Variants in PCCA observed in about 807,000 individuals in gnomAD.
The protein encoded by PCCA is propionyl-CoA carboxylase subunit alpha.
A neutral mutation model predicts 101.3 loss-of-function variants in PCCA; 74 were observed. The observed-to-expected ratio is 0.73, with a 90% CI of 0.61 to 0.89. The LOEUF (loss-of-function observed/expected upper bound fraction) is 0.89, where lower values mean the gene tolerates loss of function less well. Among genes scored for constraint, PCCA ranks in the 40% least tolerant of loss-of-function variants. The pLI is 0.00. For missense variants in PCCA, 891 were observed against 907.0 expected (o/e 0.98, Z 0.23); for synonymous variants, 294 against 313.6 (o/e 0.94, Z 0.66).
intron 11 of PCCA, among the ~76,000 whole-genome samples, chr13:100,271,067 A>G (rs1043100599): frequency 1.3e-4 from 20 of 151,990 alleles, no homozygotes; most frequent in African/African-American, 3.1e-4. Context: ...TTTGAGGGCA[A>G]TGCTAGCTAG....
At chr13:100,417,401 CT>C (rs2078447776) in intron 19 of PCCA, among the ~76,000 whole-genome samples, 2 of 152,174 alleles carry the variant, frequency 1.3e-5, no homozygotes, top group South Asian at 4.1e-4. Context: ...GGAGTTTACA[CT>C]TTTCAAAAAC....
At chr13:100,499,876 C>CT (rs148642584) in intron 21 of PCCA, among the ~76,000 whole-genome samples, 1 of 151,462 alleles carries the variant, frequency 6.6e-6, no homozygotes, top group African/African-American at 2.4e-5. Context: ...TTGCTTGAGA[C>CT]TTTTTTTGGA....
chr13:100,301,531 C>T lies in PCCA; in HGVS notation c.1137C>T (p.Gly379=), dbSNP rs781290790. 2 of 1,614,042 alleles carry T rather than the reference C, an allele frequency of 1.2e-6. No homozygotes were observed. Among genetic ancestry groups the T allele is most frequent in the Non-Finnish European group, 8.5e-7 (1 of 1,179,924 alleles). Residue 379 remains glycine, a synonymous_variant, in exon 13 of 24, where the codon GGC becomes GGT. Transcript: ENST00000376285. Reference sequence around the variant, plus strand: ...AGGAAATGATCCGTGTTGCTAAGGGCTACCCTCTCAGGCACAAACAAGCTG... The same window carrying T: ...AGGAAATGATCCGTGTTGCTAAGGGTTACCCTCTCAGGCACAAACAAGCTG... ...LVQEMIRVAK[G]YPLRHKQADI...
At chr13:100,156,472 G>A (rs1266258388) in intron 5 of PCCA, among the ~76,000 whole-genome samples, 1 of 152,208 alleles carries the variant, frequency 6.6e-6, no homozygotes, top group African/African-American at 2.4e-5. Context: ...TTTACTAGAA[G>A]TATGTTCAAC....
intron 19 of PCCA, among the ~76,000 whole-genome samples, chr13:100,421,713 C>T (rs564721286): frequency 6.6e-6 from 1 of 151,842 alleles, no homozygotes; most frequent in Non-Finnish European, 1.5e-5. Flanking sequence ...GAGATGGAGT[C>T]CCGCTCTGTC....
At chr13:100,360,582 A>G (rs989597441) in intron 18 of PCCA, among the ~76,000 whole-genome samples, 20 of 152,230 alleles carry the variant, frequency 1.3e-4, no homozygotes, top group Non-Finnish European at 2.5e-4. Flanking sequence ...GATTTTGTTA[A>G]TATTAAAAAC....
chr13:100,146,618 G>T (rs1295249618), intron 4 of PCCA, among the ~76,000 whole-genome samples: 2 of 151,564 alleles, frequency 1.3e-5, no homozygotes, highest in Non-Finnish European at 2.9e-5. Flanking sequence ...AATACAGGTA[G>T]CTTACAAACG....
rs1245184676 is a variant in PCCA at position 100,264,110 on chromosome 13, C to CGGTATCTGTATATCGTATATATAT, written c.819+1326_819+1349dup. Reference sequence around the variant, plus strand: ...ACGGTATCTGTATATCGTATATATACGGTATCTGTATATCGTATATATATG... The same window carrying CGGTATCTGTATATCGTATATATAT: ...ACGGTATCTGTATATCGTATATATACGGTATCTGTATATCGTATATATATGGTATCTGTATATCGTATATATATG... On this transcript the variant is annotated intron_variant, in intron 10 of 23. Coordinates refer to ENST00000376285, the MANE Select transcript of PCCA (RefSeq NM_000282.4). Among the ~76,000 whole-genome samples, 8 of 101,906 alleles carry CGGTATCTGTATATCGTATATATAT rather than the reference C, an allele frequency of 7.9e-5. 3 individuals are homozygous for CGGTATCTGTATATCGTATATATAT. The East Asian group carries it at 1.7e-3, about 22-fold the overall frequency. 66.9% of individuals were successfully genotyped at this position (101,906 alleles called of 152,430 possible).
At chr13:100,379,910 C>G (rs1171491908) in intron 19 of PCCA, among the ~76,000 whole-genome samples, 1 of 152,116 alleles carries the variant, frequency 6.6e-6, no homozygotes, top group Non-Finnish European at 1.5e-5. Flanking sequence ...CCAAATTAGT[C>G]TAAAGATGCA....
chr13:100,274,632 C>T (rs1227264230), intron 12 of PCCA, among the ~76,000 whole-genome samples: 1 of 152,132 alleles, frequency 6.6e-6, no homozygotes. Context: ...TTGGCTTTGG[C>T]AGCATAACTC....
chr13:100,156,116 A>G (rs2053858319), intron 5 of PCCA, among the ~76,000 whole-genome samples: 1 of 152,076 alleles, frequency 6.6e-6, no homozygotes, highest in Non-Finnish European at 1.5e-5. Flanking sequence ...TGCCCAGGCC[A>G]GAGTGCGATG....
chr13:100,282,217 C>A (rs2064176819), intron 12 of PCCA, among the ~76,000 whole-genome samples: 1 of 152,218 alleles, frequency 6.6e-6, no homozygotes, highest in Non-Finnish European at 1.5e-5. Context: ...TGAATATTTT[C>A]ATAGGGCTAC....
chr13:100,186,753 A>AAAAAAAAAAAAAAAAAAAAAAAAAAC (rs1566661746), intron 6 of PCCA, among the ~76,000 whole-genome samples: 1 of 150,268 alleles, frequency 6.7e-6, no homozygotes, highest in African/African-American at 2.5e-5. Flanking sequence ...AAAAAACAAA[A>AAAAAAAAAAAAAAAAAAAAAAAAAAC]AAAAAAAGAA....
At chr13:100,341,582 C>CCTG (rs2152755140) in intron 18 of PCCA, among the ~76,000 whole-genome samples, 1 of 152,302 alleles carries the variant, frequency 6.6e-6, no homozygotes, top group East Asian at 1.9e-4. Flanking sequence ...AAGAGGCTTT[C>CCTG]CACCACAGCA....
At chr13:100,280,317 A>G (rs1480799238) in intron 12 of PCCA, among the ~76,000 whole-genome samples, 1 of 138,056 alleles carries the variant, frequency 7.2e-6, no homozygotes, top group Non-Finnish European at 1.6e-5. Flanking sequence ...TTTTTTTTGT[A>G]GCCCTGATTT....
intron 15 of PCCA, among the ~76,000 whole-genome samples, chr13:100,308,850 A>G (rs1214642740): frequency 6.6e-6 from 1 of 152,172 alleles, no homozygotes. Flanking sequence ...CAATCTATAG[A>G]TTGGCTAATA....
intron 7 of PCCA, among the ~76,000 whole-genome samples, chr13:100,234,699 C>T (rs901900228): frequency 8.6e-5 from 13 of 151,276 alleles, no homozygotes; most frequent in Non-Finnish European, 1.0e-4. Context: ...CATCCCCCCC[C>T]GCCCCCTTCT....
chr13:100,098,057 G>A (rs2046936968), intron 1 of PCCA, among the ~76,000 whole-genome samples: 1 of 151,808 alleles, frequency 6.6e-6, no homozygotes, highest in South Asian at 2.1e-4. Flanking sequence ...TAGGTGTGGT[G>A]GCAGGGATGT....
intron 20 of PCCA, among the ~76,000 whole-genome samples, chr13:100,432,477 C>T (rs1163204466): frequency 6.6e-6 from 1 of 152,134 alleles, no homozygotes; most frequent in Admixed American, 6.6e-5. Context: ...TGTGAATCAA[C>T]AGGCAAATTG....
Sources: gnomAD v4.1 joint callset for allele counts (sites outside exome capture counted in the v4.1 genomes callset) on GRCh38, gnomAD v4.1.1 for gene constraint, MANE v1.5 for transcripts, NCBI Gene and HGNC (gene_info 2026-07-23, HGNC 2026-07-21) for gene names.